Variants in FGF14 observed in about 807,000 individuals in gnomAD.
FGF14 encodes the protein fibroblast growth factor homologous factor 4.
In FGF14, 5 loss-of-function variants were observed where a neutral mutation model predicts 25.5. That is an observed-to-expected ratio of 0.20 (90% CI 0.10 to 0.41). The LOEUF is 0.41. Among genes scored for constraint, FGF14 ranks in the 10% least tolerant of loss-of-function variants. FGF14 has a pLI of 1.00. For synonymous variants in FGF14, 138 were observed against 118.3 expected (o/e 1.17, Z -1.08); for missense variants, 222 against 320.1 (o/e 0.69, Z 2.34).
chr13:101,743,043 T>A (rs952637941), intron 3 of FGF14, among the ~76,000 whole-genome samples: 4 of 152,216 alleles, frequency 2.6e-5, no homozygotes, highest in African/African-American at 9.6e-5. Context: ...GTCCCCTCCC[T>A]GCTTCAAGTT....
At chr13:102,101,792 C>T (rs561973077) in intron 1 of FGF14, among the ~76,000 whole-genome samples, 42 of 152,196 alleles carry the variant, frequency 2.8e-4, no homozygotes, top group African/African-American at 1.0e-3. Flanking sequence ...GCAACATCCA[C>T]CTCCCAGGTT....
At chr13:102,236,628 C>A (rs975196817) in intron 1 of FGF14, among the ~76,000 whole-genome samples, 17 of 152,210 alleles carry the variant, frequency 1.1e-4, no homozygotes, top group African/African-American at 3.9e-4. Flanking sequence ...TGGTTTCCCT[C>A]CCCCAGGACT....
At chr13:101,916,207 C>A (rs563740595) in intron 1 of FGF14, among the ~76,000 whole-genome samples, 1 of 152,244 alleles carries the variant, frequency 6.6e-6, no homozygotes, top group Non-Finnish European at 1.5e-5. Context: ...TGCAGGGACG[C>A]GGAGGGCAGG....
chr13:102,372,492 A>C (rs2057914852), intron 1 of FGF14, among the ~76,000 whole-genome samples: 2 of 152,160 alleles, frequency 1.3e-5, no homozygotes, highest in African/African-American at 4.8e-5. Flanking sequence ...GACGTATGCC[A>C]CTAGAAAGGC....
At chr13:102,272,614 A>G (rs774791939) in intron 1 of FGF14, among the ~76,000 whole-genome samples, 1 of 152,178 alleles carries the variant, frequency 6.6e-6, no homozygotes, top group Non-Finnish European at 1.5e-5. Flanking sequence ...GTGTTAATTT[A>G]TTTATTTTAA....
At chr13:101,832,759 A>T (rs561996275) in intron 3 of FGF14, among the ~76,000 whole-genome samples, 2 of 152,162 alleles carry the variant, frequency 1.3e-5, no homozygotes, top group Admixed American at 1.3e-4. Context: ...GAACTTTTAA[A>T]TGAAGAGTAA....
intron 1 of FGF14, among the ~76,000 whole-genome samples, chr13:102,012,477 C>T (rs560252501): frequency 3.9e-5 from 6 of 152,222 alleles, no homozygotes; most frequent in African/African-American, 1.2e-4. Context: ...CATACACATG[C>T]TCCTGCCAAA....
intron 1 of FGF14, among the ~76,000 whole-genome samples, chr13:102,331,329 T>C (rs1388635895): frequency 6.6e-6 from 1 of 152,202 alleles, no homozygotes; most frequent in Non-Finnish European, 1.5e-5. Flanking sequence ...CAATTTAACA[T>C]GGATATTGGT....
intron 1 of FGF14, among the ~76,000 whole-genome samples, chr13:102,185,155 A>G (rs2048828363): frequency 6.6e-6 from 1 of 152,144 alleles, no homozygotes; most frequent in Admixed American, 6.5e-5. Flanking sequence ...GATTCTTCAT[A>G]TTTTTCCAAA....
At chr13:101,861,798 T>C (rs2044432961) in intron 3 of FGF14, among the ~76,000 whole-genome samples, 4 of 152,122 alleles carry the variant, frequency 2.6e-5, no homozygotes, top group Non-Finnish European at 2.9e-5. Context: ...TCAAGCCTTA[T>C]TTAGCTTTCT....
At position 101,991,828 on chromosome 13, in the gene FGF14, TTAA is replaced by T. The variant is rs1288409411; in HGVS notation, c.209-116535_209-116533del. The stretch of plus-strand genomic sequence containing the variant: ...GTCTCGGCAAGAAGCCCACACTTTC[TTAA>T]ATTTTACCTCCAGCAGCTTTGTGTT... On this transcript the variant is annotated intron_variant, in intron 1 of 4. Coordinates refer to the FGF14 transcript ENST00000376131. Among the ~76,000 whole-genome samples, 39 of 152,214 alleles carry T rather than the reference TTAA, an allele frequency of 2.6e-4. No homozygotes were observed. In the South Asian group the frequency reaches 8.1e-3, roughly 32 times the overall value.
intron 1 of FGF14, among the ~76,000 whole-genome samples, chr13:102,375,730 G>C (rs1196668346): frequency 6.6e-6 from 1 of 152,030 alleles, no homozygotes; most frequent in African/African-American, 2.4e-5. Flanking sequence ...AGTCTCAAGA[G>C]AACCCAAACC....
chr13:102,073,638 A>G (rs2043236587), intron 1 of FGF14, among the ~76,000 whole-genome samples: 1 of 134,502 alleles, frequency 7.4e-6, no homozygotes, highest in South Asian at 2.5e-4. Flanking sequence ...TGACTCATTC[A>G]TTCCTTAAAC....
At position 102,387,724 on chromosome 13, in the gene FGF14, GT is replaced by G. The variant is rs932764934; in HGVS notation, c.208+13746del. Among the ~76,000 whole-genome samples, 139 of 151,712 alleles carry G rather than the reference GT, an allele frequency of 9.2e-4. 1 individual carries two copies. Among genetic ancestry groups the G allele is most frequent in the Admixed American group, 5.3e-3 (81 of 15,236 alleles). ...CACTAGGCAGTTTTTTTTTTGTTTG[GT>G]TTTTTGAGAGTTTTTGGGTTTTTTT... is the stretch of plus-strand genomic sequence containing the variant. On this transcript the variant is annotated intron_variant, in intron 1 of 4. Transcript: ENST00000376131.
chr13:101,779,966 C>G (rs1179787272), intron 3 of FGF14, among the ~76,000 whole-genome samples: 4 of 152,026 alleles, frequency 2.6e-5, no homozygotes, highest in Admixed American at 2.0e-4. Flanking sequence ...GAAAAACCTC[C>G]CTTCTCTGTG....
intron 1 of FGF14, among the ~76,000 whole-genome samples, chr13:102,323,411 C>T (rs1175841472): frequency 2.6e-5 from 4 of 152,248 alleles, no homozygotes; most frequent in Middle Eastern, 3.4e-3. Context: ...AGTAAGCTAA[C>T]TGAATTTCAT....
At chr13:101,967,233 G>A (rs1359049) in intron 1 of FGF14, among the ~76,000 whole-genome samples, 29,081 of 152,114 alleles carry the variant, frequency 0.19, 3,284 homozygotes, top group East Asian at 0.48. Flanking sequence ...CTTCTGTTGA[G>A]TAAGAATGTC....
At chr13:102,140,968 T>C (rs1292457480) in intron 1 of FGF14, among the ~76,000 whole-genome samples, 1 of 152,242 alleles carries the variant, frequency 6.6e-6, no homozygotes, top group Non-Finnish European at 1.5e-5. Flanking sequence ...AGCAGACAGC[T>C]GCATCCTCAC....
At chr13:102,262,599 T>C (rs772700905) in intron 1 of FGF14, among the ~76,000 whole-genome samples, 2 of 152,158 alleles carry the variant, frequency 1.3e-5, no homozygotes, top group African/African-American at 2.4e-5. Flanking sequence ...TCCATGCACA[T>C]ATCTGTTAAA....
Sources: allele counts gnomAD v4.1 joint callset (sites outside exome capture counted in the v4.1 genomes callset), GRCh38; gene constraint gnomAD v4.1.1; transcripts MANE v1.5; gene names NCBI Gene and HGNC (gene_info 2026-07-23, HGNC 2026-07-21).